The following LAMC1 variants were observed in gnomAD, a reference collection of about 807,000 sequenced individuals.
LAMC1 encodes laminin subunit gamma 1, also known as laminin subunit gamma-1.
A neutral mutation model predicts 173.6 loss-of-function variants in LAMC1; 38 were observed. The observed-to-expected ratio is 0.22, with a 90% CI of 0.17 to 0.29. LAMC1 has a LOEUF of 0.29. Ranked by LOEUF, LAMC1 falls within the 10% of genes least tolerant of loss-of-function variation. The pLI is 1.00. For missense variants in LAMC1, 1,824 were observed against 2,051.8 expected (o/e 0.89, Z 2.14); for synonymous variants, 746 against 749.1 (o/e 1.00, Z 0.07).
intron 16 of LAMC1, among the ~76,000 whole-genome samples, chr1:183,126,511 A>G (rs574180385): frequency 1.3e-5 from 2 of 151,976 alleles, no homozygotes; most frequent in Admixed American, 6.5e-5. Flanking sequence ...CCAATCTTTT[A>G]TTTTTTCCAA....
chr1:183,107,553 A>T (rs540632430), intron 2 of LAMC1, among the ~76,000 whole-genome samples: 7 of 152,184 alleles, frequency 4.6e-5, no homozygotes, highest in Non-Finnish European at 7.4e-5. Context: ...AGGGGTGGCC[A>T]GGCGTGGTGG....
At chr1:183,087,605 C>G (rs967506827) in intron 1 of LAMC1, among the ~76,000 whole-genome samples, 1 of 152,126 alleles carries the variant, frequency 6.6e-6, no homozygotes, top group Non-Finnish European at 1.5e-5. Flanking sequence ...CTTGCTACTA[C>G]CATGAAAGCT....
At chr1:183,138,342 G>A (rs1208336544) in intron 26 of LAMC1, 1 of 279,814 alleles carries the variant, frequency 3.6e-6, no homozygotes, top group Non-Finnish European at 5.4e-6. Flanking sequence ...TAACAAAATT[G>A]ACTTGTCAAT....
At chr1:183,025,188 A>G (rs1485029387) in intron 1 of LAMC1, among the ~76,000 whole-genome samples, 1 of 152,132 alleles carries the variant, frequency 6.6e-6, no homozygotes, top group Non-Finnish European at 1.5e-5. Flanking sequence ...CTGTCAAGGG[A>G]GGGTAATTTT....
chr1:183,125,273 G>A, intron 14 of LAMC1, 124 bp from the exon 15 acceptor site: 4 of 893,690 alleles, frequency 4.5e-6, no homozygotes, highest in Non-Finnish European at 5.3e-6. Flanking sequence ...GTGCTCAGTA[G>A]CCACATGTGA....
intron 1 of LAMC1, among the ~76,000 whole-genome samples, chr1:183,082,618 C>G (rs888677083): frequency 5.9e-5 from 9 of 152,156 alleles, no homozygotes; most frequent in Non-Finnish European, 1.3e-4. Context: ...GATACTGTGT[C>G]TTACATTTTA....
At position 183,142,849 on chromosome 1, in the gene LAMC1, A is replaced by C; in HGVS notation, c.*59A>C. 1 of 1,527,580 alleles carries C rather than the reference A, an allele frequency of 6.5e-7. No homozygotes were observed. Among genetic ancestry groups the C allele is most frequent in the Non-Finnish European group, 8.8e-7 (1 of 1,131,948 alleles). The allele number at this position is 1,527,580 out of a possible 1,614,324, so 94.6% of individuals were successfully genotyped here. On this transcript the variant is annotated 3_prime_UTR_variant, in exon 28 of 28. Coordinates refer to ENST00000258341, the MANE Select transcript of LAMC1 (RefSeq NM_002293.4). ...CAGGGGGGCAGTTGTGAGGCCACAG[A>C]GTGCCTTGACACAAAGATTACATTT...
At chr1:183,032,045 A>G (rs539222019) in intron 1 of LAMC1, among the ~76,000 whole-genome samples, 1 of 152,348 alleles carries the variant, frequency 6.6e-6, no homozygotes. Context: ...ACAGCTTGCT[A>G]ATGGGGTTAC....
chr1:183,077,206 T>C (rs1031325099), intron 1 of LAMC1, among the ~76,000 whole-genome samples: 1 of 152,138 alleles, frequency 6.6e-6, no homozygotes, highest in Non-Finnish European at 1.5e-5. Flanking sequence ...TTGGTGAAAG[T>C]CTTAGGGAAG....
At chr1:183,108,214 CATTT>C (rs2102073883) in intron 2 of LAMC1, 58 bp from the exon 3 acceptor site, 1 of 1,505,488 alleles carries the variant, frequency 6.6e-7, no homozygotes, top group African/African-American at 1.4e-5. Flanking sequence ...CATTTTGTCA[CATTT>C]ATATCATTTT....
intron 19 of LAMC1, among the ~76,000 whole-genome samples, chr1:183,131,001 C>T (rs1323506304): frequency 6.6e-6 from 1 of 151,914 alleles, no homozygotes; most frequent in Non-Finnish European, 1.5e-5. Context: ...ATGGAGAAAC[C>T]CCGTCTCTAC....
chr1:183,040,005 C>T (rs550834622), intron 1 of LAMC1, among the ~76,000 whole-genome samples: 12 of 152,260 alleles, frequency 7.9e-5, no homozygotes, highest in African/African-American at 2.4e-4. Flanking sequence ...TTTGTTCCCT[C>T]GAGGGAGACT....
At chr1:183,088,504 T>TTGTG (rs1385273156) in intron 1 of LAMC1, among the ~76,000 whole-genome samples, 4 of 152,240 alleles carry the variant, frequency 2.6e-5, no homozygotes, top group African/African-American at 4.8e-5. Context: ...TGAGTTTCAA[T>TTGTG]TGTGTATGTA....
chr1:183,056,532 C>T (rs532065338), intron 1 of LAMC1, among the ~76,000 whole-genome samples: 180 of 152,270 alleles, frequency 1.2e-3, no homozygotes, highest in Non-Finnish European at 1.1e-3. Context: ...CCCTCCTCCC[C>T]CCATCCCCCC....
intron 11 of LAMC1, among the ~76,000 whole-genome samples, chr1:183,119,189 A>G (rs1044322714): frequency 2.0e-5 from 3 of 151,972 alleles, no homozygotes; most frequent in Admixed American, 2.0e-4. Context: ...GAGCCCCTGC[A>G]CCCGGTCAAA....
At position 183,132,421 on chromosome 1, in the gene LAMC1, C is replaced by A. The variant is rs201801915; in HGVS notation, c.3588C>A (p.Asp1196Glu). Residue 1196 changes from aspartate (D) to glutamate (E), a missense_variant, in exon 21 of 28, where the codon GAC (aspartate) becomes GAA (glutamate). Transcript: ENST00000258341. ...LAERHKQEADDIVRVAKTAND... is the reference protein window; with the variant it reads ...LAERHKQEADEIVRVAKTAND... Reference sequence around the variant, plus strand: ...ATAGTCATAAACAGGAAGCTGATGACATTGTTCGAGTGGCAAAGACAGCCA... The same window carrying A: ...ATAGTCATAAACAGGAAGCTGATGAAATTGTTCGAGTGGCAAAGACAGCCA... 144 of 1,613,596 alleles carry A rather than the reference C, an allele frequency of 8.9e-5. No homozygotes were observed. Among genetic ancestry groups the A allele is most frequent in the Non-Finnish European group, 1.1e-4 (133 of 1,179,758 alleles).
chr1:183,090,923 A>G (rs1001022822), intron 1 of LAMC1, among the ~76,000 whole-genome samples: 2 of 152,172 alleles, frequency 1.3e-5, no homozygotes, highest in African/African-American at 2.4e-5. Context: ...TGTGAGCTGT[A>G]TAAGAGCTAA....
At chr1:183,112,932 C>T (rs10797844) in intron 4 of LAMC1, among the ~76,000 whole-genome samples, 78,647 of 152,050 alleles carry the variant, frequency 0.52, 21,038 homozygotes, top group South Asian at 0.65. Context: ...CACTTGCAGT[C>T]CCAGCACTTG....
chr1:183,073,561 C>A (rs1229009275), intron 1 of LAMC1, among the ~76,000 whole-genome samples: 2 of 152,156 alleles, frequency 1.3e-5, no homozygotes, highest in African/African-American at 4.8e-5. Context: ...AGCTTTGCAT[C>A]ACCTAGGTAA....
Sources: gnomAD v4.1 joint callset for allele counts (sites outside exome capture counted in the v4.1 genomes callset) on GRCh38, gnomAD v4.1.1 for gene constraint, MANE v1.5 for transcripts, NCBI Gene and HGNC (gene_info 2026-07-23, HGNC 2026-07-21) for gene names.